Variants in BNC2 observed in about 807,000 individuals in gnomAD.
BNC2 encodes the protein zinc finger protein basonuclin-2.
BNC2 carries 20 observed loss-of-function variants against 76.3 expected under a neutral mutation model. The ratio of observed to expected loss-of-function variants is 0.26; its 90% CI spans 0.18 to 0.38. The LOEUF is 0.38. Among genes scored for constraint, BNC2 ranks in the 10% least tolerant of loss-of-function variants. The probability of loss-of-function intolerance (pLI) is 1.00; values close to 1 mark genes in which losing one functional copy is unlikely to be tolerated. For missense variants in BNC2, 1,382 were observed against 1,399.8 expected, an observed-to-expected ratio of 0.99 and a Z score of 0.20; for synonymous variants, 582 against 514.8, an observed-to-expected ratio of 1.13 and a Z score of -1.77.
intron 3 of BNC2, among the ~76,000 whole-genome samples, chr9:16,698,853 G>A (rs191512132): frequency 2.6e-5 from 4 of 152,286 alleles, no homozygotes; most frequent in East Asian, 1.9e-4. Flanking sequence ...GAAGAAAGAC[G>A]ACTAAAAATA....
intron 1 of BNC2, among the ~76,000 whole-genome samples, chr9:16,868,403 C>G (rs915120603): frequency 8.8e-6 from 1 of 114,054 alleles, no homozygotes; most frequent in Non-Finnish European, 1.8e-5. Context: ...TCACATATCT[C>G]TATCTGACAG....
At chr9:16,684,342 G>A (rs867120991) in intron 3 of BNC2, among the ~76,000 whole-genome samples, 9 of 152,218 alleles carry the variant, frequency 5.9e-5, no homozygotes, top group African/African-American at 1.9e-4. Flanking sequence ...ATACATGATC[G>A]TGTCTCATGT....
chr9:16,827,378 C>A (rs73649041), intron 1 of BNC2, among the ~76,000 whole-genome samples: 2 of 152,110 alleles, frequency 1.3e-5, no homozygotes, highest in African/African-American at 2.4e-5. Context: ...AGAGCAGCTG[C>A]GACCAGCCTC....
intron 2 of BNC2, among the ~76,000 whole-genome samples, chr9:16,730,693 G>A (rs1824480048): frequency 6.6e-6 from 1 of 152,118 alleles, no homozygotes; most frequent in South Asian, 2.1e-4. Flanking sequence ...ATGGACTGAG[G>A]TGGCCCTGGC....
chr9:16,502,838 G>C (rs1009728772), intron 5 of BNC2, among the ~76,000 whole-genome samples: 1 of 152,206 alleles, frequency 6.6e-6, no homozygotes, highest in Non-Finnish European at 1.5e-5. Flanking sequence ...TTGATGAAGA[G>C]ATGGGGTTAA....
chr9:16,530,090 G>C (rs1313354398), intron 5 of BNC2, among the ~76,000 whole-genome samples: 2 of 152,006 alleles, frequency 1.3e-5, no homozygotes, highest in Non-Finnish European at 2.9e-5. Context: ...CTGACTTCAA[G>C]TGGTCTGCCT....
At chr9:16,645,299 T>C (rs1821591299) in intron 3 of BNC2, among the ~76,000 whole-genome samples, 3 of 152,324 alleles carry the variant, frequency 2.0e-5, no homozygotes, top group African/African-American at 7.2e-5. Flanking sequence ...CTTCAAAATG[T>C]GCACAACAGT....
chr9:16,563,124 A>C lies in BNC2; in HGVS notation c.434-10359T>G, dbSNP rs190619718. Among the ~76,000 whole-genome samples the C allele has an allele frequency of 7.8e-3, 1,182 of 152,340 alleles. 15 individuals are homozygous for C. The highest frequency in any genetic ancestry group is 0.027 in the African/African-American group (1,118 of 41,572). ...TCAAATATGATCATTTGACCATATC[A>C]TTGGATTTGCAAATTAGGCTACCTG... On this transcript the variant is annotated intron_variant, in intron 4 of 6. Coordinates refer to ENST00000380672, the MANE Select transcript of BNC2 (RefSeq NM_017637.6).
chr9:16,798,266 C>A (rs900233518), intron 1 of BNC2, among the ~76,000 whole-genome samples: 3 of 152,200 alleles, frequency 2.0e-5, no homozygotes, highest in Non-Finnish European at 4.4e-5. Context: ...TGATGTCCCA[C>A]CTTCCAAGTA....
intron 5 of BNC2, among the ~76,000 whole-genome samples, chr9:16,472,869 A>G (rs1426232784): frequency 2.0e-5 from 3 of 152,230 alleles, no homozygotes; most frequent in Non-Finnish European, 1.5e-5. Flanking sequence ...GCCAACAGGC[A>G]TCAGAAGTCA....
chr9:16,603,340 C>T (rs560059682), intron 3 of BNC2, among the ~76,000 whole-genome samples: 5 of 152,190 alleles, frequency 3.3e-5, no homozygotes, highest in African/African-American at 1.2e-4. Context: ...AAACTTGTAA[C>T]CAGTTAAAAT....
chr9:16,803,158 G>C (rs1276480160), intron 1 of BNC2, among the ~76,000 whole-genome samples: 1 of 152,202 alleles, frequency 6.6e-6, no homozygotes, highest in East Asian at 1.9e-4. Flanking sequence ...GATGTATCCT[G>C]TGTGTTTCCA....
chr9:16,451,848 C>T (rs1335728814), intron 5 of BNC2, among the ~76,000 whole-genome samples: 1 of 152,174 alleles, frequency 6.6e-6, no homozygotes, highest in Non-Finnish European at 1.5e-5. Context: ...ATCCCCACTG[C>T]CAAGAAGACT....
chr9:16,741,786 C>T (rs750530394), intron 1 of BNC2, among the ~76,000 whole-genome samples: 5 of 151,916 alleles, frequency 3.3e-5, no homozygotes, highest in Middle Eastern at 3.4e-3. Flanking sequence ...GGTGAAACCC[C>T]GTCTCTACTG....
At chr9:16,780,447 C>T (rs1017936101) in intron 1 of BNC2, among the ~76,000 whole-genome samples, 21 of 151,292 alleles carry the variant, frequency 1.4e-4, no homozygotes, top group African/African-American at 5.1e-4. Context: ...TGGCGGGCGC[C>T]TGTAGTCCCA....
intron 1 of BNC2, among the ~76,000 whole-genome samples, chr9:16,845,713 T>A (rs1157466726): frequency 2.7e-5 from 4 of 150,622 alleles, no homozygotes; most frequent in African/African-American, 9.8e-5. Context: ...AAAGCAAGAC[T>A]CCGTCTCAAA....
intron 5 of BNC2, among the ~76,000 whole-genome samples, chr9:16,470,453 A>T (rs1821798411): frequency 6.6e-6 from 1 of 152,206 alleles, no homozygotes; most frequent in Admixed American, 6.5e-5. Context: ...ATCCCCAAGA[A>T]CATGGGGAAA....
chr9:16,645,082 T>G (rs191337355), intron 3 of BNC2, among the ~76,000 whole-genome samples: 1 of 152,328 alleles, frequency 6.6e-6, no homozygotes, highest in African/African-American at 2.4e-5. Context: ...AGGTAAACTC[T>G]TAACACATAC....
intron 1 of BNC2, among the ~76,000 whole-genome samples, chr9:16,815,791 T>C (rs752895238): frequency 5.3e-5 from 8 of 152,068 alleles, no homozygotes; most frequent in Admixed American, 1.3e-4. Context: ...AGTAAATAGT[T>C]AGTGGTTAGC....
Sources: allele counts gnomAD v4.1 joint callset (sites outside exome capture counted in the v4.1 genomes callset), GRCh38; gene constraint gnomAD v4.1.1; transcripts MANE v1.5; gene names NCBI Gene and HGNC (gene_info 2026-07-23, HGNC 2026-07-21).